FAM234B: variants seen among roughly 807,000 people sequenced by gnomAD.
FAM234B encodes the protein family with sequence similarity 234 member B.
FAM234B carries 33 observed loss-of-function variants against 69.3 expected under a neutral mutation model. The ratio of observed to expected loss-of-function variants is 0.48; its 90% CI spans 0.36 to 0.64. The LOEUF (loss-of-function observed/expected upper bound fraction) is 0.64, where lower values mean the gene tolerates loss of function less well. Among genes scored for constraint, FAM234B ranks in the 30% least tolerant of loss-of-function variants. The probability of loss-of-function intolerance (pLI) is 0.00; values close to 1 mark genes in which losing one functional copy is unlikely to be tolerated. For missense variants in FAM234B, 697 were observed against 769.7 expected (o/e 0.91, Z 1.12); for synonymous variants, 306 against 306.9 (o/e 1.00, Z 0.03).
In FAM234B at chr12:13,059,431, G is replaced by C. The variant is rs191355895; in HGVS notation, c.532+882G>C. 2.4e-4 allele frequency among the ~76,000 whole-genome samples: 37 copies of C among 152,354 alleles called. 1 individual carries two copies. The East Asian group carries it at 6.7e-3, about 28-fold the overall frequency. On this transcript the variant is annotated intron_variant, in intron 3 of 12. Transcript: ENST00000197268. ...TCCACAACTTACCCTCATTTAGGGT[G>C]CTGTTTCTGGGATCCCAGCTTTTAC...
chr12:13,064,735 A>G (rs966549837), intron 5 of FAM234B, among the ~76,000 whole-genome samples: 8 of 152,182 alleles, frequency 5.3e-5, no homozygotes, highest in Non-Finnish European at 1.2e-4. Flanking sequence ...CAGCAGCTTC[A>G]TCCTTGTACT....
rs1482357456 is a variant in FAM234B at position 13,044,391 on chromosome 12, C to G, written c.-13C>G. The G allele has an allele frequency of 1.9e-6, 3 of 1,550,704 alleles. No individual in the cohort carries two copies. The highest frequency in any genetic ancestry group is 2.0e-5 in the Admixed American group (1 of 51,126). ...AGAACGCGGGCGCGCGCACGCGCAC[C>G]GGGGCCTCAGCCATGGCGACCGTGC... On this transcript the variant is annotated 5_prime_UTR_variant, in exon 1 of 13. Transcript: ENST00000197268. The surrounding 1 kb of genome is among the most constrained non-coding windows in gnomAD (Gnocchi z 5.6).
intron 1 of FAM234B, among the ~76,000 whole-genome samples, chr12:13,052,042 CTTGATG>C (rs1864882194): frequency 6.6e-6 from 1 of 152,052 alleles, no homozygotes; most frequent in African/African-American, 2.4e-5. Context: ...CAGGATTTGG[CTTGATG>C]TTTGATTGTG....
chr12:13,047,907 C>T (rs1274551241), intron 1 of FAM234B, among the ~76,000 whole-genome samples: 8 of 152,094 alleles, frequency 5.3e-5, no homozygotes, highest in Admixed American at 2.6e-4. Flanking sequence ...TTTTACTTCA[C>T]GCTCTCTTAT....
At chr12:13,071,593 C>A (rs1865108059) in intron 10 of FAM234B, among the ~76,000 whole-genome samples, 197 bp downstream of exon 10, 1 of 152,124 alleles carries the variant, frequency 6.6e-6, no homozygotes, top group Non-Finnish European at 1.5e-5. Flanking sequence ...AGAGAATGTG[C>A]AAGCTGACAA....
chr12:13,073,964 C>G (rs1312116063), intron 10 of FAM234B, among the ~76,000 whole-genome samples: 2 of 152,240 alleles, frequency 1.3e-5, no homozygotes, highest in Non-Finnish European at 2.9e-5. Flanking sequence ...ATCACAAATT[C>G]TTCAGAAAGC....
At chr12:13,070,716 T>G (rs1162348086) in intron 9 of FAM234B, among the ~76,000 whole-genome samples, 2 of 152,188 alleles carry the variant, frequency 1.3e-5, no homozygotes, top group Non-Finnish European at 2.9e-5. Flanking sequence ...TGCTTTAAAT[T>G]TGAGACTTCC....
At chr12:13,068,200 A>G in intron 7 of FAM234B, 104 bp from the exon 8 acceptor site, 1 of 1,094,550 alleles carries the variant, frequency 9.1e-7, no homozygotes, top group Non-Finnish European at 1.4e-6. Context: ...CATGAATACA[A>G]GAGTGTGTAC....
At chr12:13,077,014 C>T (rs1251550697) in intron 11 of FAM234B, among the ~76,000 whole-genome samples, 1 of 152,098 alleles carries the variant, frequency 6.6e-6, no homozygotes, top group Non-Finnish European at 1.5e-5. Flanking sequence ...TGGGCTGCAG[C>T]TGGTGTTTGT....
At chr12:13,062,742 G>T in intron 4 of FAM234B, 103 bp from the exon 5 acceptor site, 2 of 1,264,888 alleles carry the variant, frequency 1.6e-6, no homozygotes, top group Non-Finnish European at 2.2e-6. Context: ...GCTGTCTGTT[G>T]TTCAGCCCCT....
intron 1 of FAM234B, among the ~76,000 whole-genome samples, chr12:13,050,682 T>C (rs763461955): frequency 6.6e-6 from 1 of 152,224 alleles, no homozygotes; most frequent in Admixed American, 6.5e-5. Flanking sequence ...TTAGTCATTT[T>C]ACCTCTTTAA....
chr12:13,061,056 T>C (rs1864977608), intron 3 of FAM234B, among the ~76,000 whole-genome samples: 1 of 152,226 alleles, frequency 6.6e-6, no homozygotes, highest in Non-Finnish European at 1.5e-5. Flanking sequence ...TCAGGAAGCA[T>C]TTATTAGTGA....
At chr12:13,079,624 C>T (rs993738156) in intron 11 of FAM234B, among the ~76,000 whole-genome samples, 165 bp from the exon 12 acceptor site, 3 of 152,218 alleles carry the variant, frequency 2.0e-5, no homozygotes, top group African/African-American at 7.2e-5. Flanking sequence ...AGTCCTTCCC[C>T]TCTTTGCACC....
chr12:13,049,742 G>A (rs138247362), intron 1 of FAM234B, among the ~76,000 whole-genome samples: 1 of 152,186 alleles, frequency 6.6e-6, no homozygotes, highest in Admixed American at 6.5e-5. Context: ...ACTCCATGGG[G>A]AAGTATATGT....
intron 8 of FAM234B, 74 bp from the exon 9 acceptor site, chr12:13,068,556 G>A (rs138940856): frequency 1.3e-4 from 199 of 1,582,148 alleles, no homozygotes; most frequent in Non-Finnish European, 1.6e-4. Flanking sequence ...CAGTGCAAGA[G>A]AAGGGAGGGA....
In FAM234B at chr12:13,067,045, G is replaced by A. The variant is rs940639235; in HGVS notation, c.1001-110G>A. On this transcript the variant is annotated intron_variant, in intron 6 of 12. Coordinates refer to ENST00000197268, the MANE Select transcript of FAM234B (RefSeq NM_020853.2). The surrounding 1 kb of genome is among the most constrained non-coding windows in gnomAD (Gnocchi z 4.7). ...TTGTTCCGTGTTGTCCAGTCTGGGCGGGCTCTGTTAGACCCATCTGGTCAG... is the reference window on the plus strand; with the variant it reads ...TTGTTCCGTGTTGTCCAGTCTGGGCAGGCTCTGTTAGACCCATCTGGTCAG... 7.9e-6 allele frequency: 10 copies of A among 1,264,924 alleles called. No individual in the cohort carries two copies. Among genetic ancestry groups the A allele is most frequent in the African/African-American group, 2.9e-5 (2 of 67,848 alleles). 78.4% of individuals were successfully genotyped at this position (1,264,924 alleles called of 1,614,324 possible).
At chr12:13,062,822 C>T (rs777791136) in intron 4 of FAM234B, 23 bp from the exon 5 acceptor site, 53 of 1,611,664 alleles carry the variant, frequency 3.3e-5, no homozygotes, top group Non-Finnish European at 4.3e-5. Flanking sequence ...GTCATAGTGA[C>T]CAGCCTATGT....
chr12:13,075,000 T>C (rs1257231170), intron 10 of FAM234B, among the ~76,000 whole-genome samples: 1 of 152,154 alleles, frequency 6.6e-6, no homozygotes, highest in Non-Finnish European at 1.5e-5. Context: ...TGTACTTCTG[T>C]GCCTTAACAA....
At chr12:13,078,201 T>G (rs1387170503) in intron 11 of FAM234B, among the ~76,000 whole-genome samples, 3 of 151,946 alleles carry the variant, frequency 2.0e-5, no homozygotes, top group Non-Finnish European at 4.4e-5. Context: ...TGCGAAAATT[T>G]TCTCCCATTT....
Sources: allele counts gnomAD v4.1 joint callset (sites outside exome capture counted in the v4.1 genomes callset), GRCh38; gene constraint gnomAD v4.1.1; non-coding constraint Gnocchi (gnomAD v3.1); transcripts MANE v1.5; gene names NCBI Gene and HGNC (gene_info 2026-07-23, HGNC 2026-07-21).